Variants in NUBP1 observed in about 807,000 individuals in gnomAD.
NUBP1 encodes the protein cytosolic Fe-S cluster assembly factor NUBP1.
Under a neutral mutation model 41.8 loss-of-function variants are expected in NUBP1, and 46 were observed. The observed-to-expected ratio is 1.10, with a 90% CI of 0.87 to 1.41. NUBP1 has a LOEUF of 1.41. Ranked by LOEUF, NUBP1 falls within the 40% of genes most tolerant of loss-of-function variation. NUBP1 has a pLI of 0.00. For missense variants in NUBP1, 494 were observed against 414.0 expected (o/e 1.19, Z -1.68); for synonymous variants, 189 against 154.6 (o/e 1.22, Z -1.65).
chr16:10,762,596 C>A (rs149198602), intron 9 of NUBP1, among the ~76,000 whole-genome samples: 1 of 152,270 alleles, frequency 6.6e-6, no homozygotes, highest in East Asian at 1.9e-4. Flanking sequence ...GGGGCTCCTG[C>A]GGGGCGTCCA....
intron 9 of NUBP1, among the ~76,000 whole-genome samples, chr16:10,762,624 T>C (rs532595327): frequency 1.3e-5 from 2 of 152,278 alleles, no homozygotes; most frequent in South Asian, 4.1e-4. Flanking sequence ...CCTTTAGGTC[T>C]GAGGGGAGAA....
chr16:10,754,239 T>TTTTAC (rs1267221290), intron 4 of NUBP1, among the ~76,000 whole-genome samples: 1 of 151,436 alleles, frequency 6.6e-6, no homozygotes, highest in Admixed American at 6.6e-5. Flanking sequence ...TTTTATTTTA[T>TTTTAC]TTTATTTTAT....
chr16:10,761,239 C>G, intron 7 of NUBP1, 125 bp from the exon 8 acceptor site: 1 of 800,688 alleles, frequency 1.2e-6, no homozygotes, highest in Non-Finnish European at 2.0e-6. Context: ...CAAACCCTAT[C>G]AGGGCAGAAA....
chr16:10,748,865 G>A (rs539619523), intron 3 of NUBP1, among the ~76,000 whole-genome samples: 12 of 152,046 alleles, frequency 7.9e-5, no homozygotes, highest in Non-Finnish European at 1.6e-4. Context: ...TGAGGCAGGC[G>A]GATCACTTGA....
intron 4 of NUBP1, 68 bp downstream of exon 4, chr16:10,752,746 A>G (rs1427875531): frequency 7.6e-7 from 1 of 1,314,612 alleles, no homozygotes; most frequent in African/African-American, 1.5e-5. Context: ...TGAACTGTCA[A>G]ACCTCAACAA....
chr16:10,758,465 C>G (rs1312525340), intron 7 of NUBP1, among the ~76,000 whole-genome samples: 1 of 152,196 alleles, frequency 6.6e-6, no homozygotes, highest in African/African-American at 2.4e-5. Flanking sequence ...CGAGTGAGGC[C>G]TTGTCCCAAA....
In NUBP1 at chr16:10,768,842, C is replaced by A; in HGVS notation, c.905-205C>A. On this transcript the variant is annotated intron_variant, in intron 10 of 10. Coordinates refer to ENST00000283027, the MANE Select transcript of NUBP1 (RefSeq NM_002484.4). This position sits in a 1 kb window ranked among gnomAD's most constrained non-coding sequence, Gnocchi z 4.3. The stretch of plus-strand genomic sequence containing the variant: ...CATCTATAGATGGTCCGAGGAAGGC[C>A]GCAGCCACTGGTTATGAGCAAGATG... 1 of 526,504 alleles carries A rather than the reference C, an allele frequency of 1.9e-6. No homozygotes were observed. Among genetic ancestry groups the A allele is most frequent in the Non-Finnish European group, 3.4e-6 (1 of 296,672 alleles). 32.6% of individuals were successfully genotyped at this position (526,504 alleles called of 1,614,324 possible). A position where few individuals can be genotyped will look rare whatever the true frequency, so the allele number is the denominator to read the frequency against.
intron 2 of NUBP1, among the ~76,000 whole-genome samples, chr16:10,744,325 AC>A (rs1471371155): frequency 1.3e-5 from 2 of 152,186 alleles, no homozygotes; most frequent in African/African-American, 4.8e-5. Flanking sequence ...GTGGAGACTG[AC>A]CGGCGCGGAG....
Position 10,749,104 on chromosome 16 carries a change from TATAG to T in NUBP1, c.258+1836_258+1839del, listed in dbSNP as rs1210935535. On this transcript the variant is annotated intron_variant, in intron 3 of 10. Transcript: ENST00000283027. This position sits in a 1 kb window ranked among gnomAD's most constrained non-coding sequence, Gnocchi z 4.1. Reference sequence around the variant, plus strand: ...GACTCCATTTAAAAAAAAAAAAGGATATAGATAGATACACAGACACATACACACA... The same window carrying T: ...GACTCCATTTAAAAAAAAAAAAGGATATAGATACACAGACACATACACACA... 2.3e-5 allele frequency among the ~76,000 whole-genome samples: 3 copies of T among 130,828 alleles called. No homozygotes were observed. Among genetic ancestry groups the T allele is most frequent in the South Asian group, 2.4e-4 (1 of 4,166 alleles). The allele number at this position is 130,828 out of a possible 152,430, so 85.8% of individuals were successfully genotyped here.
rs1316307548 is a variant in NUBP1 at position 10,768,903 on chromosome 16, C to G, written c.905-144C>G. 4.4e-6 allele frequency: 3 copies of G among 687,524 alleles called. No homozygotes were observed. Among genetic ancestry groups the G allele is most frequent in the Non-Finnish European group, 7.7e-6 (3 of 391,464 alleles). 42.6% of individuals were successfully genotyped at this position (687,524 alleles called of 1,614,324 possible). On this transcript the variant is annotated intron_variant, in intron 10 of 10. Coordinates refer to ENST00000283027, the MANE Select transcript of NUBP1 (RefSeq NM_002484.4). The surrounding 1 kb of genome is among the most constrained non-coding windows in gnomAD (Gnocchi z 4.3). ...GGTATTCCGGTCACTTTCAAAGACT[C>G]AGGGCATCACAGACACAGGTCTTTT...
chr16:10,749,120 G>GACACACAGACAC lies in NUBP1; in HGVS notation c.258+1849_258+1850insCAGACACACACA, dbSNP rs777149995. On this transcript the variant is annotated intron_variant, in intron 3 of 10. Coordinates refer to ENST00000283027, the MANE Select transcript of NUBP1 (RefSeq NM_002484.4). The surrounding 1 kb of genome is among the most constrained non-coding windows in gnomAD (Gnocchi z 4.1). ...AAAAAAGGATATAGATAGATACACA[G>GACACACAGACAC]ACACATACACACACACACACACACA... 3.2e-5 allele frequency among the ~76,000 whole-genome samples: 3 copies of GACACACAGACAC among 92,378 alleles called. No individual in the cohort carries two copies. Among genetic ancestry groups the GACACACAGACAC allele is most frequent in the Admixed American group, 1.3e-4 (1 of 7,866 alleles). 60.6% of individuals were successfully genotyped at this position (92,378 alleles called of 152,430 possible). A position where few individuals can be genotyped will look rare whatever the true frequency, so the allele number is the denominator to read the frequency against.
chr16:10,755,135 C>T (rs56359255), intron 4 of NUBP1, among the ~76,000 whole-genome samples: 2 of 152,180 alleles, frequency 1.3e-5, no homozygotes, highest in African/African-American at 2.4e-5. Context: ...GTCATATTGT[C>T]TATGAATCAT....
intron 9 of NUBP1, among the ~76,000 whole-genome samples, chr16:10,762,940 G>A (rs1596469647): frequency 1.3e-5 from 2 of 151,176 alleles, no homozygotes; most frequent in Admixed American, 6.6e-5. Context: ...AGTGTCATGT[G>A]CCTGGGAACA....
At chr16:10,758,411 T>C (rs1900719024) in intron 7 of NUBP1, among the ~76,000 whole-genome samples, 1 of 152,186 alleles carries the variant, frequency 6.6e-6, no homozygotes, top group Non-Finnish European at 1.5e-5. Flanking sequence ...GAAAGGAGGT[T>C]GCAGTGAGCC....
chr16:10,758,150 A>G (rs895221244), intron 7 of NUBP1, 123 bp downstream of exon 7: 11 of 1,123,134 alleles, frequency 9.8e-6, no homozygotes, highest in Non-Finnish European at 1.4e-5. Context: ...CCGCAGCTGC[A>G]TCTGATGTGG....
Position 10,761,412 on chromosome 16 carries a change from G to T in NUBP1, c.655G>T (p.Val219Leu), listed in dbSNP as rs755240224. Residue 219 changes from valine to leucine, a missense_variant, in exon 8 of 11, where the codon GTG becomes TTG. Val to Leu is a conservative substitution (Grantham distance 32, BLOSUM62 1). Coordinates refer to ENST00000283027, the MANE Select transcript of NUBP1 (RefSeq NM_002484.4). ...GAAAGAAATCAACTTCTGCCGCAAG[G>T]TGAAGCTGCCCATCATCGGGGTGGT... ...VRKEINFCRK[V>L]KLPIIGVVEN... is the part of the protein sequence containing the mutation. 2 of 1,614,178 alleles carry T rather than the reference G, an allele frequency of 1.2e-6. No homozygotes were observed. The highest frequency in any genetic ancestry group is 4.5e-5 in the East Asian group (2 of 44,874).
Position 10,749,532 on chromosome 16 carries a change from T to TA in NUBP1, c.258+2266dup, listed in dbSNP as rs897020308. Among the ~76,000 whole-genome samples, 9 of 149,656 alleles carry TA rather than the reference T, an allele frequency of 6.0e-5. No homozygotes were observed. Among genetic ancestry groups the TA allele is most frequent in the South Asian group, 2.1e-4 (1 of 4,722 alleles). On this transcript the variant is annotated intron_variant, in intron 3 of 10. Transcript: ENST00000283027. This position sits in a 1 kb window ranked among gnomAD's most constrained non-coding sequence, Gnocchi z 4.1. ...TGTATTTTTTTATGCAGTGGTGGTT[T>TA]AAAAAAAAAAGAAGTCAGCATTTAG...
chr16:10,743,987 G>T lies in NUBP1; in HGVS notation c.46G>T (p.Ala16Ser), dbSNP rs765471130. 2 of 1,581,414 alleles carry T rather than the reference G, an allele frequency of 1.3e-6. No individual in the cohort carries two copies. Among genetic ancestry groups the T allele is most frequent in the Middle Eastern group, 1.7e-4 (1 of 5,922 alleles). The change falls in exon 2 of 11, where the codon GCG (alanine) becomes TCG (serine). Residue 16 changes from alanine (A) to serine (S), a missense_variant. Ala to Ser is a moderately conservative substitution (Grantham distance 99). Transcript: ENST00000283027. Reference protein sequence around the residue: ...HDCPGADSAQAGRGASCQGCP... With the variant: ...HDCPGADSAQSGRGASCQGCP... ...CTGTCCAGGGGCCGACAGCGCCCAG[G>T]CGGGCAGAGGGGCTTCATGTCAGGG... is the stretch of plus-strand genomic sequence containing the variant.
intron 3 of NUBP1, among the ~76,000 whole-genome samples, chr16:10,747,643 A>G (rs1266075407): frequency 6.6e-6 from 1 of 152,218 alleles, no homozygotes; most frequent in Non-Finnish European, 1.5e-5. Context: ...AGAAGAAAAA[A>G]AAATGATTCC....
Sources: allele counts gnomAD v4.1 joint callset (sites outside exome capture counted in the v4.1 genomes callset), GRCh38; gene constraint gnomAD v4.1.1; non-coding constraint Gnocchi (gnomAD v3.1); transcripts MANE v1.5; gene names NCBI Gene and HGNC (gene_info 2026-07-23, HGNC 2026-07-21).